PCDHA2: variants seen among roughly 807,000 people sequenced by gnomAD.
PCDHA2 encodes protocadherin alpha-2.
PCDHA2 carries 58 observed loss-of-function variants against 66.0 expected under a neutral mutation model. The ratio of observed to expected loss-of-function variants is 0.88; its 90% CI spans 0.71 to 1.09. PCDHA2 has a LOEUF of 1.09. Ranked by LOEUF, PCDHA2 falls within the 50% of genes least tolerant of loss-of-function variation. PCDHA2 has a pLI of 0.00. For synonymous variants in PCDHA2, 634 were observed against 554.0 expected, an observed-to-expected ratio of 1.14 and a Z score of -2.03; for missense variants, 1,267 against 1,242.3, an observed-to-expected ratio of 1.02 and a Z score of -0.30.
chr5:140,810,861 C>T (rs1554125588), intron 1 of PCDHA2: 1 of 151,958 alleles, frequency 6.6e-6, no homozygotes, highest in Non-Finnish European at 1.5e-5. Context: ...CTCAATTTAT[C>T]AATTTTTGCT....
At chr5:140,911,051 G>C (rs566300992) in intron 1 of PCDHA2, among the ~76,000 whole-genome samples, 1 of 152,100 alleles carries the variant, frequency 6.6e-6, no homozygotes, top group East Asian at 1.9e-4. Flanking sequence ...CAGGGGTGGT[G>C]GGGGGTGGGT....
chr5:140,829,682 C>T (rs1770489810), intron 1 of PCDHA2: 1 of 1,613,140 alleles, frequency 6.2e-7, no homozygotes, highest in Admixed American at 1.7e-5. Flanking sequence ...GCTAGAGCTG[C>T]TGCAGTTTCA....
In PCDHA2 at chr5:140,846,520, G is replaced by A. The variant is rs1780530072; in HGVS notation, c.2388+49168G>A. Among the ~76,000 whole-genome samples, 3 of 147,948 alleles carry A rather than the reference G, an allele frequency of 2.0e-5. No homozygotes were observed. In the Admixed American group the frequency reaches 2.0e-4, roughly 10 times the overall value. ...CTCCCAAGTAGCTGGGATTACAGGT[G>A]CATGCCACCATGCCCTGCTAATTTT... On this transcript the variant is annotated intron_variant, in intron 1 of 3. Transcript: ENST00000526136.
At chr5:140,936,512 A>G (rs575884793) in intron 1 of PCDHA2, among the ~76,000 whole-genome samples, 1 of 152,324 alleles carries the variant, frequency 6.6e-6, no homozygotes, top group Non-Finnish European at 1.5e-5. Context: ...TAGATCTTAA[A>G]TTACCTGAAA....
intron 1 of PCDHA2, among the ~76,000 whole-genome samples, chr5:140,898,151 CT>C (rs2066567806): frequency 6.6e-6 from 1 of 152,158 alleles, no homozygotes; most frequent in Admixed American, 6.5e-5. Context: ...CCTGTTCACG[CT>C]GATGGTGGTT....
Position 140,871,448 on chromosome 5 carries a change from A to G in PCDHA2, c.2388+74096A>G, listed in dbSNP as rs2053088391. On this transcript the variant is annotated intron_variant, in intron 1 of 3. Transcript: ENST00000526136. ...AGTCTTCCTCTAGGTCTGAATAAAG[A>G]GGAGGAAGGGGAAAGACAGGAGCCA... 2 of 1,609,780 alleles carry G rather than the reference A, an allele frequency of 1.2e-6. No homozygotes were observed. Among genetic ancestry groups the G allele is most frequent in the African/African-American group, 2.7e-5 (2 of 74,984 alleles).
Position 140,993,501 on chromosome 5 carries a change from C to CAT in PCDHA2, c.2536+10939_2536+10940insTA, listed in dbSNP as rs1159844142. Among the ~76,000 whole-genome samples the CAT allele has an allele frequency of 9.9e-4, 148 of 149,100 alleles. 5 individuals carry two copies. In the East Asian group the frequency reaches 0.024, roughly 24 times the overall value. On this transcript the variant is annotated intron_variant, in intron 3 of 3. Transcript: ENST00000526136. ...ACACACACACACACACACACACACA[C>CAT]ACACACACGGGGAGAGAGAGACAGA...
intron 1 of PCDHA2, chr5:140,928,748 G>T (rs191251073): frequency 6.2e-7 from 1 of 1,614,114 alleles, no homozygotes; most frequent in Admixed American, 1.7e-5. Flanking sequence ...GGTGAGCTCC[G>T]TACTGCTCGC....
At chr5:140,862,912 C>T (rs1554157229) in intron 1 of PCDHA2, 1 of 550,038 alleles carries the variant, frequency 1.8e-6, no homozygotes, top group Non-Finnish European at 3.5e-6. Flanking sequence ...GCTGCTGGCG[C>T]CTTGGGTGGG....
intron 1 of PCDHA2, chr5:140,850,313 G>C (rs113332257): frequency 1.3e-6 from 2 of 1,597,364 alleles, no homozygotes; most frequent in African/African-American, 1.3e-5. Context: ...ACAACGCGTG[G>C]CTTTCATACG....
At chr5:140,872,023 C>G (rs1554166000) in intron 1 of PCDHA2, among the ~76,000 whole-genome samples, 1 of 152,226 alleles carries the variant, frequency 6.6e-6, no homozygotes, top group African/African-American at 2.4e-5. Flanking sequence ...TAGCCTGGAA[C>G]TGCTAAGCTC....
intron 1 of PCDHA2, among the ~76,000 whole-genome samples, chr5:140,918,416 C>A (rs2078685021): frequency 6.6e-6 from 1 of 152,110 alleles, no homozygotes; most frequent in Non-Finnish European, 1.5e-5. Flanking sequence ...GCCAGGACTT[C>A]CAGTAGGATG....
intron 1 of PCDHA2, chr5:140,821,762 G>C: frequency 6.3e-7 from 1 of 1,588,934 alleles, no homozygotes; most frequent in Non-Finnish European, 8.6e-7. Flanking sequence ...GCTCATAATT[G>C]GAACGAGATT....
At chr5:140,823,114 G>A (rs2150122478) in intron 1 of PCDHA2, 2 of 1,614,100 alleles carry the variant, frequency 1.2e-6, no homozygotes, top group South Asian at 1.1e-5. Flanking sequence ...AGTGGCCGAC[G>A]TGAACGACAA....
intron 1 of PCDHA2, chr5:140,841,217 C>A: frequency 7.0e-7 from 1 of 1,422,140 alleles, no homozygotes; most frequent in Non-Finnish European, 9.5e-7. Context: ...TCTCTAAAGG[C>A]CGAACAACGG....
intron 3 of PCDHA2, among the ~76,000 whole-genome samples, chr5:140,993,295 C>G (rs553867145): frequency 3.3e-5 from 5 of 152,090 alleles, no homozygotes; most frequent in African/African-American, 9.7e-5. Flanking sequence ...GGGTCACAAC[C>G]TTGCCTCCAG....
At position 140,993,501 on chromosome 5, in the gene PCDHA2, C is replaced by CACACAT. The variant is rs1554253793; in HGVS notation, c.2536+10943_2536+10944insTACACA. Reference sequence around the variant, plus strand: ...ACACACACACACACACACACACACACACACACACGGGGAGAGAGAGACAGA... The same window carrying CACACAT: ...ACACACACACACACACACACACACACACACATACACACACGGGGAGAGAGAGACAGA... On this transcript the variant is annotated intron_variant, in intron 3 of 3. Coordinates refer to ENST00000526136, the MANE Select transcript of PCDHA2 (RefSeq NM_018905.3). Among the ~76,000 whole-genome samples the CACACAT allele has an allele frequency of 3.4e-5, 5 of 148,992 alleles. No homozygotes were observed. The East Asian group carries it at 7.8e-4, about 23-fold the overall frequency.
chr5:140,830,339 T>C, intron 1 of PCDHA2: 1 of 1,613,958 alleles, frequency 6.2e-7, no homozygotes, highest in Non-Finnish European at 8.5e-7. Flanking sequence ...GAGCTGGTCG[T>C]ACTCGCAGCA....
At chr5:140,859,957 A>G (rs1554152871) in intron 1 of PCDHA2, 1 of 151,974 alleles carries the variant, frequency 6.6e-6, no homozygotes, top group African/African-American at 2.4e-5. Context: ...ATCAATTGTA[A>G]AAGTCTCAGG....
Sources: gnomAD v4.1 joint callset for allele counts (sites outside exome capture counted in the v4.1 genomes callset) on GRCh38, gnomAD v4.1.1 for gene constraint, MANE v1.5 for transcripts, NCBI Gene and HGNC (gene_info 2026-07-23, HGNC 2026-07-21) for gene names.